IL1RAPL2: variants seen among roughly 807,000 people sequenced by gnomAD.
The protein encoded by IL1RAPL2 is interleukin 1 receptor accessory protein like 2.
A neutral mutation model predicts 44.1 loss-of-function variants in IL1RAPL2; 3 were observed. That is an observed-to-expected ratio of 0.07 (90% CI 0.03 to 0.18). The LOEUF is 0.18. Ranked by LOEUF, IL1RAPL2 falls within the 10% of genes least tolerant of loss-of-function variation. IL1RAPL2 has a pLI of 1.00. For synonymous variants in IL1RAPL2, 181 were observed against 178.8 expected (o/e 1.01, Z -0.10); for missense variants, 391 against 496.4 (o/e 0.79, Z 2.02).
chrX:105,464,320 G>A (rs921169789), intron 5 of IL1RAPL2, among the ~76,000 whole-genome samples: 9 of 111,513 alleles, frequency 8.1e-5, no homozygotes, highest in African/African-American at 2.9e-4. Context: ...GGAAACTGAG[G>A]CACAGAGTGG....
intron 2 of IL1RAPL2, among the ~76,000 whole-genome samples, chrX:104,761,907 TTCTCCTTCTC>T: frequency 2.0e-5 from 1 of 50,910 alleles, no homozygotes; most frequent in African/African-American, 1.5e-4. Context: ...CTCCTTCTCC[TTCTCCTTCTC>T]CTTCTCCTTC....
At chrX:104,659,741 C>G (rs903723756) in intron 2 of IL1RAPL2, among the ~76,000 whole-genome samples, 1 of 112,063 alleles carries the variant, frequency 8.9e-6, no homozygotes, top group Non-Finnish European at 1.9e-5. Flanking sequence ...TATATGGAAA[C>G]AAAAGATTGT....
rs559822787 is a variant in IL1RAPL2 at position 104,799,660 on chromosome X, A to C, written c.82+140665A>C. ...TTGACTTATTTAAAACATCACCTAA[A>C]CATGTATATCTCCAAGTGATTTTTA... On this transcript the variant is annotated intron_variant, in intron 2 of 10. Transcript: ENST00000372582. 8.9e-5 allele frequency among the ~76,000 whole-genome samples: 10 copies of C among 111,927 alleles called. No homozygotes were observed. In the South Asian group the frequency reaches 3.8e-3, roughly 42 times the overall value.
At chrX:105,173,859 C>T (rs997958886) in intron 2 of IL1RAPL2, among the ~76,000 whole-genome samples, 4 of 109,753 alleles carry the variant, frequency 3.6e-5, no homozygotes, top group Non-Finnish European at 7.6e-5. Flanking sequence ...CAGCCTCCTG[C>T]GTAGCTGGGA....
intron 5 of IL1RAPL2, among the ~76,000 whole-genome samples, chrX:105,300,599 C>T (rs774979013): frequency 2.4e-4 from 27 of 111,153 alleles, no homozygotes; most frequent in Non-Finnish European, 3.6e-4. Context: ...AACCAGTTTC[C>T]CATTCCCATA....
chrX:105,494,501 G>T (rs1239330179), intron 6 of IL1RAPL2, among the ~76,000 whole-genome samples: 2 of 111,584 alleles, frequency 1.8e-5, no homozygotes, highest in African/African-American at 6.5e-5. Context: ...TCATAATTGA[G>T]GTAGAAGGGT....
chrX:105,727,374 A>G (rs1349978829), intron 7 of IL1RAPL2, among the ~76,000 whole-genome samples: 1 of 111,945 alleles, frequency 8.9e-6, no homozygotes, highest in Non-Finnish European at 1.9e-5. Context: ...ATGTTATGTT[A>G]TCATTCCCTT....
chrX:105,438,414 G>C (rs1198145118), intron 5 of IL1RAPL2, among the ~76,000 whole-genome samples: 1 of 111,256 alleles, frequency 9.0e-6, no homozygotes, highest in African/African-American at 3.3e-5. Context: ...GGAAATAGTA[G>C]AAGGAGGTAA....
intron 2 of IL1RAPL2, among the ~76,000 whole-genome samples, chrX:104,668,491 A>G (rs1169630831): frequency 1.5e-5 from 1 of 66,127 alleles, no homozygotes; most frequent in South Asian, 1.3e-3. Context: ...CCCACCGCAC[A>G]ACAGTCCCCA....
chrX:104,629,398 A>G (rs962686650), intron 1 of IL1RAPL2, among the ~76,000 whole-genome samples: 3 of 111,265 alleles, frequency 2.7e-5, no homozygotes, highest in African/African-American at 9.8e-5. Flanking sequence ...GTGAGGTTGA[A>G]TTGTTTGAGC....
At chrX:105,247,298 T>A (rs2034227731) in intron 4 of IL1RAPL2, among the ~76,000 whole-genome samples, 1 of 111,026 alleles carries the variant, frequency 9.0e-6, no homozygotes, top group African/African-American at 3.3e-5. Flanking sequence ...ACATCTAGTG[T>A]TCTCATAATC....
intron 2 of IL1RAPL2, among the ~76,000 whole-genome samples, chrX:105,143,895 C>A (rs62603008): frequency 2.1e-4 from 23 of 109,632 alleles, no homozygotes; most frequent in African/African-American, 6.6e-4. Flanking sequence ...TGTTAAACGA[C>A]GAGTTAATGG....
rs763230786 is a variant in IL1RAPL2 at position 105,263,120 on chromosome X, T to A, written c.544-4268T>A. Among the ~76,000 whole-genome samples the A allele has an allele frequency of 4.5e-5, 5 of 110,256 alleles. No homozygotes were observed. The South Asian group carries it at 1.9e-3, about 43-fold the overall frequency. ...GGCTGGTCTCGAACTCCTGACCTCA[T>A]GTGATCCACCCGCCTCGGCCTCCCA... On this transcript the variant is annotated intron_variant, in intron 4 of 10. Coordinates refer to ENST00000372582, the MANE Select transcript of IL1RAPL2 (RefSeq NM_017416.2).
intron 2 of IL1RAPL2, among the ~76,000 whole-genome samples, chrX:104,842,638 ACAGT>A (rs1921939329): frequency 8.9e-6 from 1 of 111,954 alleles, no homozygotes; most frequent in African/African-American, 3.3e-5. Context: ...TTTTCTTCTA[ACAGT>A]CAGGCCCCTC....
At chrX:105,416,366 G>A (rs1235920060) in intron 5 of IL1RAPL2, among the ~76,000 whole-genome samples, 2 of 111,669 alleles carry the variant, frequency 1.8e-5, no homozygotes, top group Non-Finnish European at 3.8e-5. Flanking sequence ...TTCTGCCTCT[G>A]TGCCTTGTCT....
At position 104,719,327 on chromosome X, in the gene IL1RAPL2, G is replaced by C. The variant is rs1334038991; in HGVS notation, c.82+60332G>C. 4.5e-5 allele frequency among the ~76,000 whole-genome samples: 5 copies of C among 111,969 alleles called. No homozygotes were observed. The East Asian group carries it at 1.4e-3, about 32-fold the overall frequency. ...AAAGTTCTGAAATAGTCTTTATGTA[G>C]TTTCATCAGAGCCTCAACATATTTC... On this transcript the variant is annotated intron_variant, in intron 2 of 10. Transcript: ENST00000372582.
chrX:105,142,618 ATTCTTTTTT>A (rs2033135235), intron 2 of IL1RAPL2, among the ~76,000 whole-genome samples: 1 of 108,210 alleles, frequency 9.2e-6, no homozygotes, highest in African/African-American at 3.5e-5. Context: ...TAGCTTTCAC[ATTCTTTTTT>A]TTCTTTTATT....
intron 5 of IL1RAPL2, among the ~76,000 whole-genome samples, chrX:105,335,766 A>G (rs2147696338): frequency 9.0e-6 from 1 of 111,388 alleles, no homozygotes; most frequent in East Asian, 2.8e-4. Flanking sequence ...CAAGGGGTAG[A>G]TGGTGGTGAA....
At chrX:105,692,123 C>T (rs1274843522) in intron 6 of IL1RAPL2, among the ~76,000 whole-genome samples, 3 of 111,797 alleles carry the variant, frequency 2.7e-5, no homozygotes, top group Non-Finnish European at 5.6e-5. Context: ...TAATCTTCAA[C>T]TGAGTTAACA....
Sources: gnomAD v4.1 joint callset for allele counts (sites outside exome capture counted in the v4.1 genomes callset) on GRCh38, gnomAD v4.1.1 for gene constraint, MANE v1.5 for transcripts, NCBI Gene and HGNC (gene_info 2026-07-23, HGNC 2026-07-21) for gene names.